Variants in CHRNA7 observed in about 807,000 individuals in gnomAD.
CHRNA7 encodes cholinergic receptor nicotinic alpha 7 subunit.
A neutral mutation model predicts 48.0 loss-of-function variants in CHRNA7; 17 were observed. The ratio of observed to expected loss-of-function variants is 0.35; its 90% CI spans 0.24 to 0.53. The LOEUF (loss-of-function observed/expected upper bound fraction) is 0.53. Among genes scored for constraint, CHRNA7 ranks in the 20% least tolerant of loss-of-function variants. CHRNA7 has a pLI of 0.92. For synonymous variants in CHRNA7, 75 were observed against 242.3 expected, an observed-to-expected ratio of 0.31 and a Z score of 6.41; for missense variants, 155 against 577.7, an observed-to-expected ratio of 0.27 and a Z score of 7.50.
In CHRNA7 at chr15:32,037,502, G is replaced by A. The variant is rs74437802; in HGVS notation, c.195+6465G>A. Among the ~76,000 whole-genome samples, 1,304 of 152,166 alleles carry A rather than the reference G, an allele frequency of 8.6e-3. 23 individuals are homozygous for A. The highest frequency in any genetic ancestry group is 0.03 in the African/African-American group (1,243 of 41,538). The stretch of plus-strand genomic sequence containing the variant: ...TTGATTGAATCTGTAGATCAAGTTG[G>A]GAAGAACTGACATATTGACAATACT... On this transcript the variant is annotated intron_variant, in intron 2 of 9. Transcript: ENST00000306901.
chr15:32,136,235 A>G (rs959945701), intron 4 of CHRNA7, among the ~76,000 whole-genome samples: 6 of 152,210 alleles, frequency 3.9e-5, no homozygotes, highest in African/African-American at 1.4e-4. Flanking sequence ...TCATGCCTGT[A>G]GTCCCAGCAC....
chr15:32,076,591 T>C lies in CHRNA7; in HGVS notation c.196-24712T>C, dbSNP rs549664193. 1.9e-4 allele frequency among the ~76,000 whole-genome samples: 29 copies of C among 152,336 alleles called. No homozygotes were observed. In the East Asian group the frequency reaches 3.9e-3, roughly 20 times the overall value. On this transcript the variant is annotated intron_variant, in intron 2 of 9. Coordinates refer to ENST00000306901, the MANE Select transcript of CHRNA7 (RefSeq NM_000746.6). Reference sequence around the variant, plus strand: ...TTGTAGACAGCTTATAGTTTGGTCATGCTTTTTTGTTGCTGTTTTTAGTAG... The same window carrying C: ...TTGTAGACAGCTTATAGTTTGGTCACGCTTTTTTGTTGCTGTTTTTAGTAG...
intron 2 of CHRNA7, among the ~76,000 whole-genome samples, chr15:32,076,988 T>C (rs987052834): frequency 2.6e-5 from 4 of 152,192 alleles, no homozygotes; most frequent in African/African-American, 9.7e-5. Context: ...GTATCTATAA[T>C]TTTACCTTTT....
rs140558617 is a variant in CHRNA7, at chr15:32,036,118, G to A, written c.195+5081G>A. Among the ~76,000 whole-genome samples, 29 of 152,246 alleles carry A rather than the reference G, an allele frequency of 1.9e-4. 1 individual carries two copies. The highest frequency in any genetic ancestry group is 6.5e-4 in the African/African-American group (27 of 41,534). On this transcript the variant is annotated intron_variant, in intron 2 of 9. Transcript: ENST00000306901. ...ACCTTCACCACAGCTCTTGGCAGCCGCTGACCTTTTGTTGTCTCCATAGTT... is the reference window on the plus strand; with the variant it reads ...ACCTTCACCACAGCTCTTGGCAGCCACTGACCTTTTGTTGTCTCCATAGTT...
chr15:32,045,711 A>C (rs75666889), intron 2 of CHRNA7, among the ~76,000 whole-genome samples: 39,803 of 151,268 alleles, frequency 0.26, 6,357 homozygotes, highest in East Asian at 0.61. Flanking sequence ...GTACATGTGC[A>C]CAACGTGCAG....
intron 4 of CHRNA7, among the ~76,000 whole-genome samples, chr15:32,120,379 A>G (rs763988091): frequency 6.6e-6 from 1 of 151,956 alleles, no homozygotes; most frequent in African/African-American, 2.4e-5. Context: ...TCCACTTCCT[A>G]AAAAGAGTGA....
chr15:32,117,923 A>G (rs2050901793), intron 4 of CHRNA7, among the ~76,000 whole-genome samples: 1 of 151,896 alleles, frequency 6.6e-6, no homozygotes, highest in Non-Finnish European at 1.5e-5. Context: ...TGTGGTTGCT[A>G]TAGTTTGAAT....
chr15:32,135,401 TA>T (rs1370802400), intron 4 of CHRNA7, among the ~76,000 whole-genome samples: 1 of 151,844 alleles, frequency 6.6e-6, no homozygotes, highest in African/African-American at 2.4e-5. Flanking sequence ...TTATATAGAG[TA>T]AAGGAATTTC....
intron 4 of CHRNA7, among the ~76,000 whole-genome samples, chr15:32,148,049 C>T (rs2051528819): frequency 6.6e-6 from 1 of 152,204 alleles, no homozygotes; most frequent in African/African-American, 2.4e-5. Context: ...TCATCTTCAT[C>T]TCTCTTGCCC....
At chr15:32,067,693 A>G (rs1439253503) in intron 2 of CHRNA7, among the ~76,000 whole-genome samples, 1 of 152,112 alleles carries the variant, frequency 6.6e-6, no homozygotes, top group Non-Finnish European at 1.5e-5. Flanking sequence ...CAATAATTAT[A>G]AGTATGTGTT....
chr15:32,136,737 A>G (rs2051265463), intron 4 of CHRNA7, among the ~76,000 whole-genome samples: 1 of 149,124 alleles, frequency 6.7e-6, no homozygotes, highest in East Asian at 1.9e-4. Context: ...GAAGGGATGA[A>G]GAAAACAGGA....
At chr15:32,062,829 G>A (rs756492511) in intron 2 of CHRNA7, among the ~76,000 whole-genome samples, 13 of 152,082 alleles carry the variant, frequency 8.5e-5, no homozygotes, top group African/African-American at 1.4e-4. Context: ...ATGAGGATGC[G>A]TTCTGAGAAA....
intron 2 of CHRNA7, among the ~76,000 whole-genome samples, chr15:32,050,714 G>A (rs77876101): frequency 1.3e-5 from 2 of 152,080 alleles, no homozygotes; most frequent in African/African-American, 4.8e-5. Context: ...TGTAGGAGGA[G>A]AGTCACTCTG....
chr15:32,139,746 G>A (rs1020349288), intron 4 of CHRNA7, among the ~76,000 whole-genome samples: 3 of 151,856 alleles, frequency 2.0e-5, no homozygotes, highest in Admixed American at 6.6e-5. Context: ...AGAGTTCTTT[G>A]TATATTTTGG....
chr15:32,106,383 A>T (rs2050669673), intron 3 of CHRNA7, among the ~76,000 whole-genome samples: 1 of 151,962 alleles, frequency 6.6e-6, no homozygotes, highest in Non-Finnish European at 1.5e-5. Context: ...GCAGAAAGGT[A>T]AAAAAAAGAA....
At chr15:32,151,357 G>T (rs546112973) in intron 4 of CHRNA7, among the ~76,000 whole-genome samples, 1 of 152,106 alleles carries the variant, frequency 6.6e-6, no homozygotes. Context: ...ATCTAAAAGT[G>T]TATTCTTTCT....
chr15:32,134,508 T>A (rs1053462256), intron 4 of CHRNA7, among the ~76,000 whole-genome samples: 4 of 152,218 alleles, frequency 2.6e-5, no homozygotes, highest in African/African-American at 9.6e-5. Flanking sequence ...TTAATTTTTT[T>A]AAGAAAACAT....
At chr15:32,131,581 T>C (rs1346168665) in intron 4 of CHRNA7, among the ~76,000 whole-genome samples, 2 of 152,226 alleles carry the variant, frequency 1.3e-5, no homozygotes, top group Non-Finnish European at 2.9e-5. Flanking sequence ...TTCACTGGTT[T>C]CAAACATGTT....
In CHRNA7 at chr15:32,156,197, G is replaced by A. The variant is rs1289197248; in HGVS notation, c.431-1411G>A. ...TCTCTAGAAATTCTCTGTCTGTCTC[G>A]GGCCATTATTTCGTAGAAATGGGCT... On this transcript the variant is annotated intron_variant, in intron 5 of 9. Coordinates refer to ENST00000306901, the MANE Select transcript of CHRNA7 (RefSeq NM_000746.6). 4 of 136,658 alleles carry A rather than the reference G, an allele frequency of 2.9e-5. 1 individual carries two copies. Among genetic ancestry groups the A allele is most frequent in the Admixed American group, 7.2e-5 (1 of 13,806 alleles). 8.5% of individuals were successfully genotyped at this position (136,658 alleles called of 1,614,324 possible). A position where few individuals can be genotyped will look rare whatever the true frequency, so the allele number is the denominator to read the frequency against.
Sources: gnomAD v4.1 joint callset for allele counts (sites outside exome capture counted in the v4.1 genomes callset) on GRCh38, gnomAD v4.1.1 for gene constraint, MANE v1.5 for transcripts, NCBI Gene and HGNC (gene_info 2026-07-23, HGNC 2026-07-21) for gene names.